The following RABGAP1L variants were observed in gnomAD, a reference collection of about 807,000 sequenced individuals.
The protein encoded by RABGAP1L is rab GTPase-activating protein 1-like.
Under a neutral mutation model 137.7 loss-of-function variants are expected in RABGAP1L, and 63 were observed. The ratio of observed to expected loss-of-function variants is 0.46; its 90% CI spans 0.37 to 0.56. The LOEUF (loss-of-function observed/expected upper bound fraction) is 0.56. RABGAP1L is among the 20% of genes least tolerant of loss of function. The pLI is 0.00. For synonymous variants in RABGAP1L, 431 were observed against 433.7 expected, an observed-to-expected ratio of 0.99 and a Z score of 0.08; for missense variants, 1,095 against 1,244.0, an observed-to-expected ratio of 0.88 and a Z score of 1.80.
chr1:174,177,980 A>G (rs969087944), intron 1 of RABGAP1L, among the ~76,000 whole-genome samples: 1 of 152,216 alleles, frequency 6.6e-6, no homozygotes. Context: ...TTTTGGTTCC[A>G]TATGAAATTT....
chr1:174,577,210 T>TACACACACACACACAC (rs67709003), intron 13 of RABGAP1L, among the ~76,000 whole-genome samples: 1 of 127,056 alleles, frequency 7.9e-6, no homozygotes, highest in African/African-American at 3.0e-5. Flanking sequence ...GGGGAAAAAA[T>TACACACACACACACAC]ACACACACAC....
chr1:174,234,036 A>G (rs1458693821), intron 4 of RABGAP1L, among the ~76,000 whole-genome samples: 1 of 136,022 alleles, frequency 7.4e-6, no homozygotes, highest in East Asian at 2.0e-4. Flanking sequence ...GCATTTTTTC[A>G]TGTGTTTTTT....
chr1:174,682,459 T>TAAA (rs71743862), intron 14 of RABGAP1L, among the ~76,000 whole-genome samples: 1 of 140,500 alleles, frequency 7.1e-6, no homozygotes. Flanking sequence ...AAAAGTTGTT[T>TAAA]AAAAAAAAAA....
chr1:174,624,823 A>G (rs1359434738), intron 13 of RABGAP1L, among the ~76,000 whole-genome samples: 1 of 150,062 alleles, frequency 6.7e-6, no homozygotes, highest in African/African-American at 2.5e-5. Flanking sequence ...GAGAGGCAAA[A>G]CCACCCTACC....
intron 11 of RABGAP1L, among the ~76,000 whole-genome samples, chr1:174,361,321 T>C (rs1306074390): frequency 6.6e-6 from 1 of 151,618 alleles, no homozygotes; most frequent in African/African-American, 2.4e-5. Context: ...CTGTGAAGAA[T>C]GTCATTGGTA....
chr1:174,668,754 A>G (rs1044750204), intron 14 of RABGAP1L, among the ~76,000 whole-genome samples: 7 of 152,154 alleles, frequency 4.6e-5, no homozygotes, highest in African/African-American at 1.7e-4. Flanking sequence ...CTTTTTCTCC[A>G]CATTCTTGCC....
At chr1:174,571,220 A>C (rs1428830973) in intron 13 of RABGAP1L, among the ~76,000 whole-genome samples, 2 of 152,148 alleles carry the variant, frequency 1.3e-5, no homozygotes, top group African/African-American at 4.8e-5. Flanking sequence ...TAAAAATCAA[A>C]ACAATTGAAC....
At chr1:174,718,805 C>T (rs1572913700) in intron 17 of RABGAP1L, among the ~76,000 whole-genome samples, 1 of 148,262 alleles carries the variant, frequency 6.7e-6, no homozygotes, top group African/African-American at 2.5e-5. Flanking sequence ...GGGGGAACTC[C>T]TTTATAGTGT....
At chr1:174,171,260 T>C (rs1020138117) in intron 1 of RABGAP1L, among the ~76,000 whole-genome samples, 2 of 152,316 alleles carry the variant, frequency 1.3e-5, no homozygotes, top group African/African-American at 2.4e-5. Flanking sequence ...GCTTTTTAAT[T>C]TTATTTTAGC....
intron 19 of RABGAP1L, among the ~76,000 whole-genome samples, chr1:174,955,806 G>A (rs1014139095): frequency 6.6e-6 from 1 of 152,168 alleles, no homozygotes; most frequent in Non-Finnish European, 1.5e-5. Flanking sequence ...CATAGGCTAG[G>A]CACAGTGGCT....
intron 13 of RABGAP1L, among the ~76,000 whole-genome samples, chr1:174,564,889 C>G (rs1667466506): frequency 6.6e-6 from 1 of 152,154 alleles, no homozygotes; most frequent in African/African-American, 2.4e-5. Context: ...CAAGGATTAG[C>G]TGTCTTCTAG....
At chr1:174,839,820 G>C (rs866527047) in intron 19 of RABGAP1L, among the ~76,000 whole-genome samples, 8 of 152,296 alleles carry the variant, frequency 5.3e-5, no homozygotes, top group Middle Eastern at 6.8e-3. Flanking sequence ...TTAAGGTTTA[G>C]CAGCAGCTTT....
At chr1:174,297,603 G>A (rs1298015297) in intron 10 of RABGAP1L, among the ~76,000 whole-genome samples, 1 of 152,134 alleles carries the variant, frequency 6.6e-6, no homozygotes, top group African/African-American at 2.4e-5. Flanking sequence ...TAAGGACTAA[G>A]ACCGATCTTA....
At chr1:174,729,118 C>G (rs964638274) in intron 17 of RABGAP1L, among the ~76,000 whole-genome samples, 4 of 152,006 alleles carry the variant, frequency 2.6e-5, no homozygotes, top group African/African-American at 9.7e-5. Flanking sequence ...GGTACTGGTA[C>G]AAAAATAGAC....
intron 13 of RABGAP1L, among the ~76,000 whole-genome samples, chr1:174,438,235 G>GT (rs1046489055): frequency 6.6e-6 from 1 of 152,056 alleles, no homozygotes; most frequent in African/African-American, 2.4e-5. Context: ...TTTCAACTTT[G>GT]TTTTTTGTTT....
intron 13 of RABGAP1L, among the ~76,000 whole-genome samples, chr1:174,438,194 T>C (rs190963047): frequency 8.5e-5 from 13 of 152,310 alleles, no homozygotes; most frequent in Admixed American, 7.8e-4. Flanking sequence ...TAAGGCTTTA[T>C]AGTATGTCTT....
chr1:174,713,226 T>C (rs1680723906), intron 17 of RABGAP1L, among the ~76,000 whole-genome samples: 1 of 152,256 alleles, frequency 6.6e-6, no homozygotes, highest in South Asian at 2.1e-4. Flanking sequence ...TCTTTGGTCT[T>C]CCTCAGGAGA....
intron 10 of RABGAP1L, among the ~76,000 whole-genome samples, chr1:174,298,655 A>G (rs1677360663): frequency 1.3e-5 from 2 of 152,202 alleles, no homozygotes; most frequent in Admixed American, 6.5e-5. Context: ...AAACTGTGGA[A>G]CTGAGTCCTC....
intron 20 of RABGAP1L, among the ~76,000 whole-genome samples, chr1:174,966,913 G>C (rs1669679439): frequency 2.0e-5 from 3 of 151,866 alleles, no homozygotes; most frequent in South Asian, 4.2e-4. Flanking sequence ...CCTTCCAATG[G>C]AATTAAAATT....
Sources: gnomAD v4.1 joint callset for allele counts (sites outside exome capture counted in the v4.1 genomes callset) on GRCh38, gnomAD v4.1.1 for gene constraint, MANE v1.5 for transcripts, NCBI Gene and HGNC (gene_info 2026-07-23, HGNC 2026-07-21) for gene names.